RPS6KC1: variants seen among roughly 807,000 people sequenced by gnomAD.
The protein encoded by RPS6KC1 is inactive ribosomal protein S6 kinase delta-1.
RPS6KC1 carries 54 observed loss-of-function variants against 103.8 expected under a neutral mutation model. The observed-to-expected ratio is 0.52, with a 90% CI of 0.42 to 0.65. The LOEUF is 0.65. Ranked by LOEUF, RPS6KC1 falls within the 30% of genes least tolerant of loss-of-function variation. The pLI, the probability that RPS6KC1 is intolerant of heterozygous loss-of-function variation, is 0.00. For synonymous variants in RPS6KC1, 439 were observed against 438.7 expected (o/e 1.00, Z -0.01); for missense variants, 1,151 against 1,253.8 (o/e 0.92, Z 1.24).
the RPS6KC1 span, among the ~76,000 whole-genome samples, chr1:213,462,160 CTCA>C: frequency 1.3e-5 from 2 of 152,146 alleles, no homozygotes; most frequent in African/African-American, 2.4e-5. Flanking sequence ...TGAAAAAAAG[CTCA>C]TCATCACTTG....
chr1:213,544,856 C>G, the RPS6KC1 span, among the ~76,000 whole-genome samples: 2 of 152,160 alleles, frequency 1.3e-5, no homozygotes. Context: ...GTCTTTCTGT[C>G]TCCAAAGAGA....
At chr1:213,783,471 G>T in the RPS6KC1 span, among the ~76,000 whole-genome samples, 2 of 152,070 alleles carry the variant, frequency 1.3e-5, no homozygotes, top group Non-Finnish European at 2.9e-5. Context: ...AGCTGTGTTT[G>T]TTGCCTCCCC....
At chr1:213,625,724 C>T in the RPS6KC1 span, among the ~76,000 whole-genome samples, 2 of 152,178 alleles carry the variant, frequency 1.3e-5, no homozygotes, top group African/African-American at 4.8e-5. Context: ...ATGATGGTTT[C>T]CAGCTTCAAC....
chr1:213,211,276 A>G (rs1407608897), intron 8 of RPS6KC1, among the ~76,000 whole-genome samples: 1 of 152,250 alleles, frequency 6.6e-6, no homozygotes, highest in Non-Finnish European at 1.5e-5. Flanking sequence ...TTGGGCCTAT[A>G]AAACCAGAAC....
the RPS6KC1 span, among the ~76,000 whole-genome samples, chr1:213,719,735 C>T: frequency 2.3e-4 from 35 of 152,170 alleles, no homozygotes; most frequent in African/African-American, 5.1e-4. Context: ...AAACCAGAAG[C>T]GGGGGCAGTG....
chr1:213,365,113 G>A, the RPS6KC1 span, among the ~76,000 whole-genome samples: 5 of 152,250 alleles, frequency 3.3e-5, no homozygotes, highest in Non-Finnish European at 2.9e-5. Context: ...AAATCTTCTC[G>A]AATTTTCCTA....
chr1:213,832,531 G>T, the RPS6KC1 span: 1 of 152,214 alleles, frequency 6.6e-6, no homozygotes, highest in African/African-American at 2.4e-5. Flanking sequence ...CCTGAGTCAT[G>T]TTGTCCATTT....
At chr1:213,667,135 A>G in the RPS6KC1 span, among the ~76,000 whole-genome samples, 49 of 152,194 alleles carry the variant, frequency 3.2e-4, no homozygotes, top group African/African-American at 1.2e-3. Context: ...CAGGCCTGGA[A>G]CCCAGGGCTT....
chr1:213,401,780 C>CTTTAT, the RPS6KC1 span, among the ~76,000 whole-genome samples: 1 of 150,040 alleles, frequency 6.7e-6, no homozygotes, highest in Non-Finnish European at 1.5e-5. Flanking sequence ...TTTATTTTTA[C>CTTTAT]TTACTTTATT....
the RPS6KC1 span, among the ~76,000 whole-genome samples, chr1:213,712,018 G>C: frequency 6.6e-6 from 1 of 152,224 alleles, no homozygotes; most frequent in Non-Finnish European, 1.5e-5. Context: ...GAAGCAGTCT[G>C]TTCCTTAGCA....
At chr1:213,282,922 G>C in the RPS6KC1 span, among the ~76,000 whole-genome samples, 1 of 152,184 alleles carries the variant, frequency 6.6e-6, no homozygotes, top group African/African-American at 2.4e-5. Context: ...CAAATGATAT[G>C]CTCTGTGTTT....
At chr1:213,861,569 G>A in the RPS6KC1 span, among the ~76,000 whole-genome samples, 2 of 152,154 alleles carry the variant, frequency 1.3e-5, no homozygotes, top group Non-Finnish European at 1.5e-5. Flanking sequence ...CAGCCGCTAT[G>A]GCCATCACAC....
chr1:213,255,893 C>T (rs2094631561), intron 12 of RPS6KC1, among the ~76,000 whole-genome samples: 1 of 152,144 alleles, frequency 6.6e-6, no homozygotes, highest in African/African-American at 2.4e-5. Flanking sequence ...AGCTTAGAGT[C>T]ATGTATGAAA....
chr1:213,706,722 C>T, the RPS6KC1 span, among the ~76,000 whole-genome samples: 1 of 152,166 alleles, frequency 6.6e-6, no homozygotes, highest in East Asian at 1.9e-4. Flanking sequence ...TGACAGGCCC[C>T]AGTGTGTGTT....
chr1:213,163,316 A>G (rs2148112572), intron 6 of RPS6KC1, among the ~76,000 whole-genome samples: 1 of 152,372 alleles, frequency 6.6e-6, no homozygotes, highest in South Asian at 2.1e-4. Context: ...GACTAAGCAC[A>G]GGGCCCATTG....
intron 10 of RPS6KC1, among the ~76,000 whole-genome samples, chr1:213,236,237 G>T (rs1178245114): frequency 6.6e-6 from 1 of 152,126 alleles, no homozygotes; most frequent in Non-Finnish European, 1.5e-5. Flanking sequence ...CATGAAACTG[G>T]TCCTTGGTGC....
chr1:213,683,531 G>A, the RPS6KC1 span, among the ~76,000 whole-genome samples: 79 of 152,244 alleles, frequency 5.2e-4, no homozygotes, highest in East Asian at 0.015. Flanking sequence ...ACCCTCAGCA[G>A]GTCCTCATGG....
rs561250112 is a variant in RPS6KC1 at position 213,250,220 on chromosome 1, C to G, written c.2911+7562C>G. 3.3e-5 allele frequency among the ~76,000 whole-genome samples: 5 copies of G among 152,312 alleles called. No individual in the cohort carries two copies. In the East Asian group the frequency reaches 7.7e-4, roughly 23 times the overall value. ...AGGGTGGAGCAGCACCACATATCCC[C>G]TGTCACCTTGCAGCACTGGGAGAAG... On this transcript the variant is annotated intron_variant, in intron 12 of 14. Transcript: ENST00000366960.
the RPS6KC1 span, among the ~76,000 whole-genome samples, chr1:213,586,426 A>C: frequency 6.6e-6 from 1 of 152,220 alleles, no homozygotes; most frequent in East Asian, 1.9e-4. Flanking sequence ...AGGTCAGGGA[A>C]GTTTATGAAC....
Sources: allele counts gnomAD v4.1 joint callset (sites outside exome capture counted in the v4.1 genomes callset), GRCh38; gene constraint gnomAD v4.1.1; transcripts MANE v1.5; gene names NCBI Gene and HGNC (gene_info 2026-07-23, HGNC 2026-07-21).